HACE1: variants seen among roughly 807,000 people sequenced by gnomAD.
HACE1 encodes the protein HECT domain and ankyrin repeat containing E3 ubiquitin protein ligase 1, also known as E3 ubiquitin-protein ligase HACE1.
HACE1 carries 73 observed loss-of-function variants against 118.4 expected under a neutral mutation model. The observed-to-expected ratio is 0.62, with a 90% CI of 0.51 to 0.75. The LOEUF is 0.75. Ranked by LOEUF, HACE1 falls within the 30% of genes least tolerant of loss-of-function variation. The pLI is 0.00. For synonymous variants in HACE1, 368 were observed against 374.8 expected (o/e 0.98, Z 0.21); for missense variants, 749 against 1,102.2 (o/e 0.68, Z 4.54).
At chr6:104,743,145 C>G (rs1776984489) in intron 22 of HACE1, among the ~76,000 whole-genome samples, 1 of 127,568 alleles carries the variant, frequency 7.8e-6, no homozygotes, top group South Asian at 2.5e-4. Context: ...GGGAATATCA[C>G]ACTCTGGGGA....
chr6:104,790,839 CA>C (rs1214429897), intron 11 of HACE1, among the ~76,000 whole-genome samples: 1 of 151,920 alleles, frequency 6.6e-6, no homozygotes, highest in African/African-American at 2.4e-5. Flanking sequence ...AAATGTCACC[CA>C]AAAAAACATT....
chr6:104,735,225 T>C (rs1406720464), intron 22 of HACE1, among the ~76,000 whole-genome samples: 2 of 152,056 alleles, frequency 1.3e-5, no homozygotes, highest in Non-Finnish European at 2.9e-5. Context: ...ATACCCCTAA[T>C]ATATAAACAA....
At chr6:104,819,658 C>T (rs1396930508) in intron 6 of HACE1, among the ~76,000 whole-genome samples, 1 of 152,048 alleles carries the variant, frequency 6.6e-6, no homozygotes, top group Non-Finnish European at 1.5e-5. Flanking sequence ...ATATAGTGAG[C>T]AAAACAGTAT....
chr6:104,769,564 T>C (rs1297807691), intron 19 of HACE1, among the ~76,000 whole-genome samples: 1 of 152,202 alleles, frequency 6.6e-6, no homozygotes, highest in African/African-American at 2.4e-5. Context: ...TGGCAAATCA[T>C]ATAGGTTTAA....
chr6:104,849,062 G>A, intron 4 of HACE1, 80 bp downstream of exon 4: 1 of 808,672 alleles, frequency 1.2e-6, no homozygotes, highest in East Asian at 2.4e-5. Context: ...AGGGATGCGG[G>A]AGGAATCATC....
Position 104,774,281 on chromosome 6 carries a change from G to C in HACE1, c.1865-2207C>G, listed in dbSNP as rs1335599546. Among the ~76,000 whole-genome samples the C allele has an allele frequency of 1.2e-4, 16 of 130,210 alleles. 2 individuals carry two copies. The highest frequency in any genetic ancestry group is 1.5e-4 in the Admixed American group (2 of 13,240). 85.4% of individuals were successfully genotyped at this position (130,210 alleles called of 152,430 possible). A position where few individuals can be genotyped will look rare whatever the true frequency, so the allele number is the denominator to read the frequency against. ...ATTTTTTTGTATTTTTAGTAGAGAC[G>C]GGGTTTCACCGTTTTAGCCGGGATG... On this transcript the variant is annotated intron_variant, in intron 17 of 23. Coordinates refer to ENST00000262903, the MANE Select transcript of HACE1 (RefSeq NM_020771.4).
At chr6:104,822,384 GAAAAA>G (rs751726472) in intron 6 of HACE1, among the ~76,000 whole-genome samples, 1 of 91,524 alleles carries the variant, frequency 1.1e-5, no homozygotes, top group African/African-American at 4.1e-5. Context: ...CTCCATCTCA[GAAAAA>G]AAAAAAAAAA....
intron 20 of HACE1, 72 bp downstream of exon 20, chr6:104,750,269 T>A: frequency 2.4e-6 from 3 of 1,259,722 alleles, no homozygotes; most frequent in Non-Finnish European, 3.5e-6. Context: ...TACTCCACAA[T>A]TATTTCTGAA....
chr6:104,792,050 T>C (rs1397575492), intron 10 of HACE1, among the ~76,000 whole-genome samples: 1 of 152,192 alleles, frequency 6.6e-6, no homozygotes, highest in Admixed American at 6.5e-5. Context: ...TAAATCATCA[T>C]ATTCTTAGGC....
At chr6:104,737,282 C>CAAAAAAAAAAAA (rs59915070) in intron 22 of HACE1, among the ~76,000 whole-genome samples, 6 of 42,712 alleles carry the variant, frequency 1.4e-4, no homozygotes, top group African/African-American at 5.2e-4. Context: ...GACTCTCTCT[C>CAAAAAAAAAAAA]AAAAAAAAAA....
chr6:104,753,862 G>A (rs576922704), intron 19 of HACE1, among the ~76,000 whole-genome samples: 18 of 152,248 alleles, frequency 1.2e-4, no homozygotes, highest in African/African-American at 4.1e-4. Context: ...CCAAATGACC[G>A]CAACACCTCT....
intron 4 of HACE1, among the ~76,000 whole-genome samples, chr6:104,844,662 CTTT>C (rs775303598): frequency 1.5e-5 from 2 of 136,668 alleles, no homozygotes; most frequent in African/African-American, 2.8e-5. Context: ...CCATCACAAC[CTTT>C]TTTTTTTTTT....
chr6:104,765,021 T>C (rs1270664170), intron 19 of HACE1, among the ~76,000 whole-genome samples: 1 of 152,246 alleles, frequency 6.6e-6, no homozygotes, highest in Admixed American at 6.5e-5. Flanking sequence ...TGTTCACTGA[T>C]GCTAGCAGTC....
chr6:104,797,885 A>G (rs1312973840), intron 7 of HACE1, among the ~76,000 whole-genome samples: 2 of 152,080 alleles, frequency 1.3e-5, no homozygotes, highest in Admixed American at 1.3e-4. Flanking sequence ...CCTGGCCAAC[A>G]TGGTGAAACC....
At chr6:104,828,137 A>C (rs957981347) in intron 6 of HACE1, among the ~76,000 whole-genome samples, 8 of 152,006 alleles carry the variant, frequency 5.3e-5, no homozygotes, top group Admixed American at 1.3e-4. Context: ...GTTACCAAAA[A>C]CTAGGTTTAA....
intron 1 of HACE1, among the ~76,000 whole-genome samples, chr6:104,857,140 G>A (rs546513775): frequency 1.3e-5 from 2 of 148,418 alleles, no homozygotes; most frequent in East Asian, 2.0e-4. Flanking sequence ...GTATCAGTAG[G>A]AATGTTATAT....
At chr6:104,802,033 C>CAAA (rs533831848) in intron 7 of HACE1, among the ~76,000 whole-genome samples, 5,153 of 58,558 alleles carry the variant, frequency 0.088, 142 homozygotes, top group Non-Finnish European at 0.12. Flanking sequence ...AACGAAAAGC[C>CAAA]AAAAAAAAAA....
At chr6:104,804,097 G>A (rs1245764644) in intron 7 of HACE1, among the ~76,000 whole-genome samples, 2 of 152,106 alleles carry the variant, frequency 1.3e-5, no homozygotes, top group African/African-American at 2.4e-5. Flanking sequence ...CAAATCATGA[G>A]TGAACTCCCA....
chr6:104,858,610 C>T, intron 1 of HACE1: 1 of 238,762 alleles, frequency 4.2e-6, no homozygotes, highest in South Asian at 4.0e-5. Context: ...CCAAGGTCTC[C>T]TTCCCTATCC....
Sources: gnomAD v4.1 joint callset for allele counts (sites outside exome capture counted in the v4.1 genomes callset) on GRCh38, gnomAD v4.1.1 for gene constraint, MANE v1.5 for transcripts, NCBI Gene and HGNC (gene_info 2026-07-23, HGNC 2026-07-21) for gene names.